The following CTDSP1 variants were observed in gnomAD, a reference collection of about 807,000 sequenced individuals.
The protein encoded by CTDSP1 is carboxy-terminal domain RNA polymerase II polypeptide A small phosphatase 1.
A neutral mutation model predicts 32.5 loss-of-function variants in CTDSP1; 15 were observed. That is an observed-to-expected ratio of 0.46 (90% confidence interval 0.31 to 0.71). The LOEUF is 0.71. Among genes scored for constraint, CTDSP1 ranks in the 30% least tolerant of loss-of-function variants. CTDSP1 has a pLI of 0.05. For missense variants in CTDSP1, 294 were observed against 351.1 expected, an observed-to-expected ratio of 0.84 and a Z score of 1.30; for synonymous variants, 185 against 145.4, an observed-to-expected ratio of 1.27 and a Z score of -1.96.
Position 218,404,444 on chromosome 2 carries a change from G to T in CTDSP1, c.*19G>T. On this transcript the variant is annotated 3_prime_UTR_variant, in exon 7 of 7. Coordinates refer to ENST00000273062, the MANE Select transcript of CTDSP1 (RefSeq NM_021198.3). ...GAGCTAGTGAGGGTGATGGGGCCAG[G>T]ACCTGCCCCTGACCAATGATACCCA... The T allele has an allele frequency of 4.3e-6, 7 of 1,613,348 alleles. No individual in the cohort carries two copies. The highest frequency in any genetic ancestry group is 5.1e-6 in the Non-Finnish European group (6 of 1,179,710).
chr2:218,401,081 G>C, intron 1 of CTDSP1: 3 of 389,054 alleles, frequency 7.7e-6, no homozygotes, highest in South Asian at 5.5e-5. Flanking sequence ...GCCCCAGGCC[G>C]CGGGACTGCA....
chr2:218,402,672 A>G (rs766205860), intron 4 of CTDSP1: 4 of 762,698 alleles, frequency 5.2e-6, no homozygotes, highest in South Asian at 4.1e-5. Flanking sequence ...GTAATTCAGG[A>G]TAGGTTGTGT....
chr2:218,397,545 C>A (rs868841882), upstream of CTDSP1, among the ~76,000 whole-genome samples: 1 of 152,218 alleles, frequency 6.6e-6, no homozygotes, highest in Non-Finnish European at 1.5e-5. Flanking sequence ...GGAAGAGACG[C>A]TTCCAAATCC....
At chr2:218,401,448 TG>T in intron 1 of CTDSP1, 115 bp from the exon 2 acceptor site, 1 of 1,231,326 alleles carries the variant, frequency 8.1e-7, no homozygotes, top group Non-Finnish European at 1.1e-6. Context: ...TTCGTGTGTC[TG>T]GATGAAGGGG....
intron 1 of CTDSP1, chr2:218,400,649 A>T (rs991051348): frequency 1.4e-5 from 6 of 437,514 alleles, no homozygotes; most frequent in Non-Finnish European, 2.8e-5. Flanking sequence ...ACACACAGCT[A>T]CGTTCCCCAC....
At chr2:218,401,753 C>CA (rs753376280) in intron 2 of CTDSP1, 41 bp downstream of exon 2, 2 of 1,510,192 alleles carry the variant, frequency 1.3e-6, no homozygotes, top group South Asian at 2.6e-5. Context: ...CACCTGGACT[C>CA]AGTCTTCAGG....
In CTDSP1 at chr2:218,399,991, C is replaced by T; in HGVS notation, c.-100C>T. 1 of 1,207,088 alleles carries T rather than the reference C, an allele frequency of 8.3e-7. No individual in the cohort carries two copies. The highest frequency in any genetic ancestry group is 1.1e-6 in the Non-Finnish European group (1 of 945,550). 74.8% of individuals were successfully genotyped at this position (1,207,088 alleles called of 1,614,324 possible). On this transcript the variant is annotated 5_prime_UTR_variant, in exon 1 of 7. Coordinates refer to ENST00000273062, the MANE Select transcript of CTDSP1 (RefSeq NM_021198.3). ...GGAGCTCGCGGGGATCCCTCCCTCC[C>T]ACCCCTCCCCTCCCCCCCGCGCCCC...
intron 6 of CTDSP1, among the ~76,000 whole-genome samples, chr2:218,403,997 C>G (rs190211711): frequency 6.6e-6 from 1 of 151,818 alleles, no homozygotes; most frequent in Non-Finnish European, 1.5e-5. Context: ...GAGGCAGAGG[C>G]TGTGGTGAGC....
At position 218,401,518 on chromosome 2, in the gene CTDSP1, C is replaced by T. The variant is rs560807301; in HGVS notation, c.68-46C>T. On this transcript the variant is annotated intron_variant, in intron 1 of 6. Coordinates refer to ENST00000273062, the MANE Select transcript of CTDSP1 (RefSeq NM_021198.3). ...ACCTGGGCACACATGCAGGATTCTG[C>T]AGGCCAGTGTGCACCGAGCCTCCAA... The T allele has an allele frequency of 6.2e-6, 10 of 1,605,458 alleles. No individual in the cohort carries two copies. In the South Asian group the frequency reaches 1.1e-4, roughly 18 times the overall value.
chr2:218,397,202 G>A (rs143779484), upstream of CTDSP1, among the ~76,000 whole-genome samples: 108 of 152,262 alleles, frequency 7.1e-4, 1 homozygote, highest in Non-Finnish European at 1.1e-3. Flanking sequence ...CCGGCTAAAG[G>A]GCTACCCAGG....
In CTDSP1 at chr2:218,402,103, C is replaced by G. The variant is rs547435374; in HGVS notation, c.217-8C>G. The G allele has an allele frequency of 4.7e-4, 754 of 1,602,558 alleles. 8 individuals are homozygous for G. The South Asian group carries it at 6.9e-3, about 15-fold the overall frequency. On this transcript the variant is annotated splice_polypyrimidine_tract_variant and splice_region_variant and intron_variant, in intron 2 of 6. Transcript: ENST00000273062. Reference sequence around the variant, plus strand: ...GAGGCACCCCAGCCAGCCCCGCCCTCCCTACAGCAGACCCCAGTCCAATAC... The same window carrying G: ...GAGGCACCCCAGCCAGCCCCGCCCTGCCTACAGCAGACCCCAGTCCAATAC...
upstream of CTDSP1, chr2:218,399,619 C>T (rs1180520304): frequency 9.0e-5 from 59 of 656,096 alleles, no homozygotes; most frequent in East Asian, 1.4e-4. Context: ...CGAGGGCGCT[C>T]GGCGGCCTGG....
Position 218,405,873 on chromosome 2 carries a change from C to A in CTDSP1, c.*1448C>A. Reference sequence around the variant, plus strand: ...GTTGGCCTGCATCAGGTGGCCTTCCCATTTAAGTGCCTTCTCTGTGACTGA... The same window carrying A: ...GTTGGCCTGCATCAGGTGGCCTTCCAATTTAAGTGCCTTCTCTGTGACTGA... On this transcript the variant is annotated 3_prime_UTR_variant, in exon 7 of 7. Transcript: ENST00000273062. The A allele has an allele frequency of 6.5e-6, 1 of 153,108 alleles. No individual in the cohort carries two copies. The highest frequency in any genetic ancestry group is 2.1e-4 in the South Asian group (1 of 4,844). The allele number at this position is 153,108 out of a possible 1,614,324, so 9.5% of individuals were successfully genotyped here. A position where few individuals can be genotyped will look rare whatever the true frequency, so the allele number is the denominator to read the frequency against.
intron 1 of CTDSP1, chr2:218,400,932 G>A (rs1559135495): frequency 2.3e-6 from 1 of 443,496 alleles, no homozygotes; most frequent in Admixed American, 2.5e-5. Flanking sequence ...GGCTGCCCCG[G>A]AACTGAGGGC....
chr2:218,401,355 C>G, intron 1 of CTDSP1: 1 of 602,974 alleles, frequency 1.7e-6, no homozygotes, highest in East Asian at 2.8e-5. Flanking sequence ...ACCTGCTAGA[C>G]CTATTTGTCT....
In CTDSP1 at chr2:218,403,234, C is replaced by T. The variant is rs2227259; in HGVS notation, c.474C>T (p.Tyr158=). The T allele has an allele frequency of 1.0e-3, 1,607 of 1,612,012 alleles. 3 individuals are homozygous for T. Among genetic ancestry groups the T allele is most frequent in the African/African-American group, 4.1e-3 (304 of 75,024 alleles). ...GATGACCCACCTCCTGCTCCCAGTA[C>T]GCAGACCCAGTAGCTGACCTGCTGG... ...CVLFTASLAK[Y]ADPVADLLDK... The change falls in exon 6 of 7, where the codon TAC becomes TAT. Residue 158 remains tyrosine (Y), a splice_region_variant and synonymous_variant. Coordinates refer to ENST00000273062, the MANE Select transcript of CTDSP1 (RefSeq NM_021198.3).
chr2:218,397,236 A>G (rs1214871097), upstream of CTDSP1, among the ~76,000 whole-genome samples: 2 of 152,178 alleles, frequency 1.3e-5, no homozygotes, highest in Non-Finnish European at 2.9e-5. Context: ...GCTAGTGATG[A>G]GGTCGCGCCA....
chr2:218,399,896 T>C lies in CTDSP1; in HGVS notation c.-195T>C, dbSNP rs1033313215. The C allele has an allele frequency of 1.3e-5, 16 of 1,263,484 alleles. No individual in the cohort carries two copies. Among genetic ancestry groups the C allele is most frequent in the Middle Eastern group, 3.1e-4 (1 of 3,268 alleles). 78.3% of individuals were successfully genotyped at this position (1,263,484 alleles called of 1,614,324 possible). A position where few individuals can be genotyped will look rare whatever the true frequency, so the allele number is the denominator to read the frequency against. On this transcript the variant is annotated 5_prime_UTR_variant, in exon 1 of 7. It removes an upstream start codon present in the reference 5' UTR. Transcript: ENST00000273062. Reference sequence around the variant, plus strand: ...TCCGCCTCGCGGGAAGGAAACTCCATGTTGTAACAAAGTTTCCTCCGCGCC... The same window carrying C: ...TCCGCCTCGCGGGAAGGAAACTCCACGTTGTAACAAAGTTTCCTCCGCGCC...
Position 218,401,717 on chromosome 2 carries a change from G to C in CTDSP1, c.216+5G>C. ...GAGAATGGCGCCATCCCTAAGGTGC[G>C]TGGGGGCCAGGTGGGGCCACGGGGG... On this transcript the variant is annotated splice_donor_5th_base_variant and intron_variant, in intron 2 of 6. Transcript: ENST00000273062. The C allele has an allele frequency of 6.4e-7, 1 of 1,560,010 alleles. No homozygotes were observed. Among genetic ancestry groups the C allele is most frequent in the Non-Finnish European group, 8.7e-7 (1 of 1,153,122 alleles).
Sources: gnomAD v4.1 joint callset for allele counts (sites outside exome capture counted in the v4.1 genomes callset) on GRCh38, gnomAD v4.1.1 for gene constraint, MANE v1.5 for transcripts, NCBI Gene and HGNC (gene_info 2026-07-23, HGNC 2026-07-21) for gene names.